The following APP variants were observed in gnomAD, a reference collection of about 807,000 sequenced individuals.
APP encodes the protein amyloid beta precursor protein.
APP carries 31 observed loss-of-function variants against 101.4 expected under a neutral mutation model. The observed-to-expected ratio is 0.31, with a 90% CI of 0.23 to 0.41. The LOEUF is 0.41. APP is among the 10% of genes least tolerant of loss of function. The pLI is 1.00. For synonymous variants in APP, 366 were observed against 364.4 expected, an observed-to-expected ratio of 1.00 and a Z score of -0.05; for missense variants, 839 against 1,003.7, an observed-to-expected ratio of 0.84 and a Z score of 2.22.
chr21:25,960,925 T>C (rs1369621225), intron 11 of APP, among the ~76,000 whole-genome samples: 1 of 152,224 alleles, frequency 6.6e-6, no homozygotes, highest in Non-Finnish European at 1.5e-5. Flanking sequence ...CCTTCTTTGT[T>C]GGACGGTAGG....
At chr21:25,926,052 G>A (rs949405397) in intron 13 of APP, among the ~76,000 whole-genome samples, 1 of 152,236 alleles carries the variant, frequency 6.6e-6, no homozygotes, top group Non-Finnish European at 1.5e-5. Context: ...GGGGAATATT[G>A]CCAAAACACC....
rs1371774177 is a variant in APP, at chr21:26,004,252, T to C, written c.866-4070A>G. On this transcript the variant is annotated intron_variant, in intron 6 of 17. Transcript: ENST00000346798. ...GTGATACTGTACTGAGTGAAGACTA[T>C]GCAGGGTCTCTTTGTATTAATTCTT... Among the ~76,000 whole-genome samples, 5 of 151,370 alleles carry C rather than the reference T, an allele frequency of 3.3e-5. No homozygotes were observed. The East Asian group carries it at 5.8e-4, about 18-fold the overall frequency.
intron 6 of APP, among the ~76,000 whole-genome samples, chr21:26,002,484 T>C (rs952548741): frequency 6.7e-5 from 6 of 89,938 alleles, no homozygotes; most frequent in Non-Finnish European, 1.5e-4. Flanking sequence ...CTTCTCTGTA[T>C]CTCCTTCACC....
At position 26,166,871 on chromosome 21, in the gene APP, T is replaced by TGAGAGAGA. The variant is rs559340452; in HGVS notation, c.57+3685_57+3692dup. Among the ~76,000 whole-genome samples, 17 of 135,284 alleles carry TGAGAGAGA rather than the reference T, an allele frequency of 1.3e-4. No homozygotes were observed. In the South Asian group the frequency reaches 2.8e-3, roughly 22 times the overall value. 88.8% of individuals were successfully genotyped at this position (135,284 alleles called of 152,430 possible). ...CCTGCACCAGCATCTGTCACTCAAG[T>TGAGAGAGA]GAGAGAGAGAGAGAGAGAGAGAGAG... On this transcript the variant is annotated intron_variant, in intron 1 of 17. Coordinates refer to ENST00000346798, the MANE Select transcript of APP (RefSeq NM_000484.4).
At chr21:25,967,084 G>A (rs932175705) in intron 11 of APP, among the ~76,000 whole-genome samples, 2 of 152,194 alleles carry the variant, frequency 1.3e-5, no homozygotes, top group African/African-American at 2.4e-5. Flanking sequence ...CAGAATTCAT[G>A]TTCTATCAAA....
chr21:25,914,383 A>G lies in APP; in HGVS notation c.1688-2421T>C, dbSNP rs185904227. ...TTAAATCTCCACTGTGGTAGTAGTG[A>G]GAGATGGGGTCTTCTGGAAATCAAG... is the stretch of plus-strand genomic sequence containing the variant. On this transcript the variant is annotated intron_variant, in intron 13 of 17. Transcript: ENST00000346798. Among the ~76,000 whole-genome samples, 6 of 151,922 alleles carry G rather than the reference A, an allele frequency of 3.9e-5. No homozygotes were observed. In the East Asian group the frequency reaches 1.2e-3, roughly 30 times the overall value.
At chr21:25,927,616 T>C (rs1451195470) in intron 13 of APP, among the ~76,000 whole-genome samples, 1 of 152,144 alleles carries the variant, frequency 6.6e-6, no homozygotes, top group Non-Finnish European at 1.5e-5. Context: ...TATTTTTGTT[T>C]AAAAATAACA....
chr21:26,060,385 G>A (rs535267150), intron 3 of APP, among the ~76,000 whole-genome samples: 27 of 152,304 alleles, frequency 1.8e-4, no homozygotes, highest in African/African-American at 4.6e-4. Flanking sequence ...CTCTTGCACC[G>A]AGTGCTGGTC....
chr21:26,109,653 G>A (rs1262546775), intron 2 of APP, among the ~76,000 whole-genome samples: 1 of 152,184 alleles, frequency 6.6e-6, no homozygotes, highest in African/African-American at 2.4e-5. Context: ...AGAAAGTAAA[G>A]CTACCCAGGC....
At chr21:26,130,232 G>C (rs1292665778) in intron 1 of APP, among the ~76,000 whole-genome samples, 1 of 152,228 alleles carries the variant, frequency 6.6e-6, no homozygotes, top group Non-Finnish European at 1.5e-5. Flanking sequence ...AACAAAACAT[G>C]TACTGCTTTT....
chr21:26,031,472 G>A (rs1237023985), intron 5 of APP, among the ~76,000 whole-genome samples: 2 of 152,182 alleles, frequency 1.3e-5, no homozygotes, highest in African/African-American at 4.8e-5. Context: ...GAGAAAAAGA[G>A]GTTTAATGGG....
At chr21:25,926,600 G>A (rs2039906712) in intron 13 of APP, among the ~76,000 whole-genome samples, 1 of 152,136 alleles carries the variant, frequency 6.6e-6, no homozygotes, top group Non-Finnish European at 1.5e-5. Context: ...TCCATCCTGA[G>A]AAGTATACTT....
At chr21:25,903,942 G>A (rs115680771) in intron 15 of APP, among the ~76,000 whole-genome samples, 2,418 of 152,172 alleles carry the variant, frequency 0.016, 62 homozygotes, top group African/African-American at 0.055. Flanking sequence ...GACCGTGCTT[G>A]GAGGCAGTCA....
intron 13 of APP, among the ~76,000 whole-genome samples, chr21:25,912,880 T>C (rs188901442): frequency 2.0e-5 from 3 of 151,432 alleles, no homozygotes; most frequent in East Asian, 3.9e-4. Context: ...ATATGAAGAT[T>C]TGTGAGTCTT....
chr21:25,889,982 A>AT (rs2037583488), intron 17 of APP, among the ~76,000 whole-genome samples: 1 of 152,328 alleles, frequency 6.6e-6, no homozygotes, highest in Admixed American at 6.5e-5. Flanking sequence ...ATGGAATTAA[A>AT]TTTTTTTAAA....
chr21:26,048,706 G>A (rs909943382), intron 5 of APP, among the ~76,000 whole-genome samples: 1 of 152,140 alleles, frequency 6.6e-6, no homozygotes, highest in Non-Finnish European at 1.5e-5. Flanking sequence ...GATAAGTTAT[G>A]GTCTTATAAG....
At chr21:26,110,375 G>C (rs1217909495) in intron 2 of APP, among the ~76,000 whole-genome samples, 1 of 152,096 alleles carries the variant, frequency 6.6e-6, no homozygotes, top group Non-Finnish European at 1.5e-5. Context: ...ATACCCGGGA[G>C]GTGGAGGTTG....
At chr21:26,089,295 T>C (rs1187876641) in intron 3 of APP, among the ~76,000 whole-genome samples, 6 of 152,156 alleles carry the variant, frequency 3.9e-5, no homozygotes, top group Admixed American at 3.9e-4. Context: ...TATGACAGTT[T>C]CCAGAGGAAA....
In APP at chr21:25,904,942, G is replaced by C. The variant is rs2038710115; in HGVS notation, c.1963+82C>G. On this transcript the variant is annotated intron_variant, in intron 15 of 17. Transcript: ENST00000346798. ...TCTGCAGTAAGTACAATTGAGAGAG[G>C]CTTAAAATGCAGAAAGGAGACAACG... 5 of 1,228,046 alleles carry C rather than the reference G, an allele frequency of 4.1e-6. No individual in the cohort carries two copies. In the East Asian group the frequency reaches 1.2e-4, roughly 30 times the overall value. 76.1% of individuals were successfully genotyped at this position (1,228,046 alleles called of 1,614,324 possible).
Sources: allele counts gnomAD v4.1 joint callset (sites outside exome capture counted in the v4.1 genomes callset), GRCh38; gene constraint gnomAD v4.1.1; transcripts MANE v1.5; gene names NCBI Gene and HGNC (gene_info 2026-07-23, HGNC 2026-07-21).